The following LRP1B variants were observed in gnomAD, a reference collection of about 807,000 sequenced individuals.
LRP1B encodes the protein low-density lipoprotein receptor-related protein 1B.
A neutral mutation model predicts 556.6 loss-of-function variants in LRP1B; 217 were observed. That is an observed-to-expected ratio of 0.39 (90% confidence interval 0.35 to 0.44). The LOEUF is 0.44. Ranked by LOEUF, LRP1B falls within the 20% of genes least tolerant of loss-of-function variation. The probability of loss-of-function intolerance (pLI) is 1.00; values close to 1 mark genes in which losing one functional copy is unlikely to be tolerated. For missense variants in LRP1B, 5,053 were observed against 5,620.8 expected (o/e 0.90, Z 3.23); for synonymous variants, 2,047 against 1,865.8 (o/e 1.10, Z -2.50).
intron 6 of LRP1B, among the ~76,000 whole-genome samples, chr2:141,222,707 C>T (rs1465767334): frequency 6.6e-6 from 1 of 151,434 alleles, no homozygotes; most frequent in African/African-American, 2.4e-5. Flanking sequence ...TTCATTACTG[C>T]AAGCCAACTT....
At position 140,756,629 on chromosome 2, in the gene LRP1B, C is replaced by A. The variant is rs75217676; in HGVS notation, c.5758+12584G>T. Among the ~76,000 whole-genome samples, 970 of 152,114 alleles carry A rather than the reference C, an allele frequency of 6.4e-3. 6 individuals carry two copies. Among genetic ancestry groups the A allele is most frequent in the African/African-American group, 0.022 (922 of 41,516 alleles). ...ACTGGGATAAGTAAATATCCATATG[C>A]AAATCCACATGGATATCCATATGTG... On this transcript the variant is annotated intron_variant, in intron 35 of 90. Transcript: ENST00000389484.
intron 63 of LRP1B, among the ~76,000 whole-genome samples, chr2:140,446,057 G>A (rs1055736609): frequency 6.6e-6 from 1 of 151,986 alleles, no homozygotes; most frequent in Non-Finnish European, 1.5e-5. Flanking sequence ...ATAGAAATGA[G>A]AGTTCTAAAA....
At chr2:140,242,988 T>C (rs568332734) in intron 87 of LRP1B, among the ~76,000 whole-genome samples, 5 of 151,254 alleles carry the variant, frequency 3.3e-5, no homozygotes, top group East Asian at 3.9e-4. Context: ...GTTGTTTCCA[T>C]AGCCAGGTGG....
At chr2:140,970,305 T>A (rs1462587167) in intron 18 of LRP1B, among the ~76,000 whole-genome samples, 1 of 152,222 alleles carries the variant, frequency 6.6e-6, no homozygotes, top group South Asian at 2.1e-4. Flanking sequence ...TTTCTTCCAG[T>A]TGATCGAATC....
At chr2:141,869,083 A>T (rs1477023397) in intron 1 of LRP1B, among the ~76,000 whole-genome samples, 1 of 152,086 alleles carries the variant, frequency 6.6e-6, no homozygotes, top group Non-Finnish European at 1.5e-5. Context: ...ATATAGATGA[A>T]AAAAATCATT....
intron 11 of LRP1B, among the ~76,000 whole-genome samples, chr2:141,034,905 C>T (rs1356134072): frequency 1.3e-5 from 2 of 151,912 alleles, no homozygotes; most frequent in Non-Finnish European, 2.9e-5. Flanking sequence ...GACACATGCA[C>T]ATGTATGTTT....
In LRP1B at chr2:141,551,429, A is replaced by G. The variant is rs114726288; in HGVS notation, c.206-70896T>C. 3.1e-3 allele frequency among the ~76,000 whole-genome samples: 472 copies of G among 152,186 alleles called. 3 individuals are homozygous for G. The highest frequency in any genetic ancestry group is 0.011 in the African/African-American group (455 of 41,556). On this transcript the variant is annotated intron_variant, in intron 2 of 90. Coordinates refer to ENST00000389484, the MANE Select transcript of LRP1B (RefSeq NM_018557.3). The stretch of plus-strand genomic sequence containing the variant: ...TTAGCTCTTGATTCACCATTATAGA[A>G]ATTAATAAATGCCATCCAAGGTTAC...
At chr2:141,955,126 T>C (rs1267582630) in intron 1 of LRP1B, among the ~76,000 whole-genome samples, 2 of 152,168 alleles carry the variant, frequency 1.3e-5, no homozygotes, top group African/African-American at 4.8e-5. Context: ...GGTTGCCATA[T>C]AAAATACAGG....
chr2:141,816,196 G>A (rs1307885621), intron 1 of LRP1B, among the ~76,000 whole-genome samples: 3 of 152,116 alleles, frequency 2.0e-5, no homozygotes, highest in African/African-American at 4.8e-5. Context: ...GGCTAATACT[G>A]TCAACTTGAT....
At chr2:140,890,999 C>A (rs1377064102) in intron 23 of LRP1B, among the ~76,000 whole-genome samples, 3 of 152,026 alleles carry the variant, frequency 2.0e-5, no homozygotes, top group Non-Finnish European at 4.4e-5. Context: ...TCTAACAATT[C>A]TTCCAGTATA....
chr2:141,508,531 A>G (rs1352154234), intron 2 of LRP1B, among the ~76,000 whole-genome samples: 1 of 152,194 alleles, frequency 6.6e-6, no homozygotes, highest in Non-Finnish European at 1.5e-5. Flanking sequence ...GCTGCTTCAA[A>G]TCTACATAGC....
intron 18 of LRP1B, among the ~76,000 whole-genome samples, chr2:140,975,109 G>A (rs12619314): frequency 0.81 from 122,525 of 152,132 alleles, 49,757 homozygotes; most frequent in Non-Finnish European, 0.85. Flanking sequence ...CTCTTGTTAC[G>A]TCAGTAATGC....
chr2:140,374,067 T>C (rs1040460897), intron 68 of LRP1B, among the ~76,000 whole-genome samples: 1 of 152,146 alleles, frequency 6.6e-6, no homozygotes, highest in Non-Finnish European at 1.5e-5. Flanking sequence ...TCATTTCTGC[T>C]AGTCCATATA....
chr2:140,483,615 C>CACATATATATATATATAT (rs1403726877), intron 59 of LRP1B, among the ~76,000 whole-genome samples: 1 of 88,364 alleles, frequency 1.1e-5, no homozygotes, highest in Non-Finnish European at 2.1e-5. Flanking sequence ...CACACACACA[C>CACATATATATATATATAT]ATATATATAT....
chr2:140,323,823 A>G, intron 81 of LRP1B, 70 bp downstream of exon 81: 1 of 784,032 alleles, frequency 1.3e-6, no homozygotes, highest in Non-Finnish European at 2.0e-6. Flanking sequence ...ATATTTAAAA[A>G]TATATTATTT....
chr2:141,474,013 T>TTCCA (rs1682592097), intron 3 of LRP1B, among the ~76,000 whole-genome samples: 1 of 100,898 alleles, frequency 9.9e-6, no homozygotes, highest in Admixed American at 9.7e-5. Flanking sequence ...CCTTCCTTCC[T>TTCCA]TCCTTCCTTC....
intron 2 of LRP1B, among the ~76,000 whole-genome samples, chr2:141,520,229 G>GCAAT (rs979759494): frequency 2.0e-5 from 3 of 152,070 alleles, no homozygotes; most frequent in African/African-American, 7.2e-5. Flanking sequence ...TTAATAAAGG[G>GCAAT]CAATACCAGT....
chr2:141,034,597 C>T (rs558764223), intron 11 of LRP1B, among the ~76,000 whole-genome samples: 2,124 of 152,074 alleles, frequency 0.014, 51 homozygotes, highest in African/African-American at 0.047. Flanking sequence ...CCAAAAAACA[C>T]ATGAAAAAAT....
At chr2:140,943,410 A>T (rs1403989841) in intron 20 of LRP1B, among the ~76,000 whole-genome samples, 1 of 152,022 alleles carries the variant, frequency 6.6e-6, no homozygotes, top group Non-Finnish European at 1.5e-5. Flanking sequence ...TAAATGCAGC[A>T]CTCAACCCAT....
Sources: gnomAD v4.1 joint callset for allele counts (sites outside exome capture counted in the v4.1 genomes callset) on GRCh38, gnomAD v4.1.1 for gene constraint, MANE v1.5 for transcripts, NCBI Gene and HGNC (gene_info 2026-07-23, HGNC 2026-07-21) for gene names.